The following NRG3 variants were observed in gnomAD, a reference collection of about 807,000 sequenced individuals.
NRG3 encodes pro-neuregulin-3, membrane-bound isoform.
A neutral mutation model predicts 66.9 loss-of-function variants in NRG3; 31 were observed. The ratio of observed to expected loss-of-function variants is 0.46; its 90% CI spans 0.35 to 0.63. NRG3 has a LOEUF of 0.63. Ranked by LOEUF, NRG3 falls within the 20% of genes least tolerant of loss-of-function variation. The pLI, the probability that NRG3 is intolerant of heterozygous loss-of-function variation, is 0.00. For missense variants in NRG3, 910 were observed against 878.9 expected (o/e 1.04, Z -0.45); for synonymous variants, 393 against 359.4 (o/e 1.09, Z -1.06).
chr10:81,923,789 G>C (rs1246976505), intron 1 of NRG3, among the ~76,000 whole-genome samples: 3 of 152,106 alleles, frequency 2.0e-5, no homozygotes, highest in African/African-American at 7.2e-5. Flanking sequence ...TCAGACTGTG[G>C]TATAGCCTTA....
chr10:82,195,025 C>A (rs2074371111), intron 1 of NRG3, among the ~76,000 whole-genome samples: 1 of 152,088 alleles, frequency 6.6e-6, no homozygotes, highest in Admixed American at 6.6e-5. Flanking sequence ...GGGCCTACCC[C>A]CAAACCCCTT....
At chr10:82,655,755 A>T (rs1439949828) in intron 2 of NRG3, among the ~76,000 whole-genome samples, 2 of 152,234 alleles carry the variant, frequency 1.3e-5, no homozygotes, top group African/African-American at 4.8e-5. Context: ...TAGATCAATT[A>T]TCATGTGTCC....
At chr10:82,640,931 AATT>A (rs2050527817) in intron 2 of NRG3, among the ~76,000 whole-genome samples, 2 of 151,928 alleles carry the variant, frequency 1.3e-5, no homozygotes, top group South Asian at 4.1e-4. Flanking sequence ...ATTTGATAGG[AATT>A]GTTGCAGTAA....
At chr10:82,691,720 C>A (rs1591187837) in intron 2 of NRG3, among the ~76,000 whole-genome samples, 1 of 152,278 alleles carries the variant, frequency 6.6e-6, no homozygotes, top group East Asian at 1.9e-4. Context: ...TTGCTCCAGG[C>A]ATGGTACTTG....
At chr10:82,890,668 C>T (rs1843073761) in intron 4 of NRG3, among the ~76,000 whole-genome samples, 2 of 152,134 alleles carry the variant, frequency 1.3e-5, no homozygotes, top group Non-Finnish European at 2.9e-5. Flanking sequence ...TATGTCTCTT[C>T]AAATTTAATA....
At chr10:82,018,116 G>A (rs2061875241) in intron 1 of NRG3, among the ~76,000 whole-genome samples, 2 of 152,232 alleles carry the variant, frequency 1.3e-5, no homozygotes, top group South Asian at 4.1e-4. Context: ...TTTGTGTAAG[G>A]TGTAAGGAAG....
intron 1 of NRG3, among the ~76,000 whole-genome samples, chr10:81,991,581 A>G (rs953553459): frequency 9.2e-5 from 14 of 152,204 alleles, no homozygotes; most frequent in Admixed American, 2.6e-4. Flanking sequence ...CCTTACTCAG[A>G]AAGTGGAAAT....
At chr10:82,033,974 C>T (rs1408216514) in intron 1 of NRG3, among the ~76,000 whole-genome samples, 1 of 152,072 alleles carries the variant, frequency 6.6e-6, no homozygotes, top group Non-Finnish European at 1.5e-5. Flanking sequence ...GAAAGTTTTG[C>T]ATAAGCACAA....
chr10:81,955,132 T>C (rs1849703714), intron 1 of NRG3, among the ~76,000 whole-genome samples: 1 of 147,570 alleles, frequency 6.8e-6, no homozygotes, highest in Admixed American at 6.8e-5. Context: ...ATACCTGTTA[T>C]ATAATATATA....
chr10:82,404,809 T>G (rs2087377917), intron 2 of NRG3, among the ~76,000 whole-genome samples: 1 of 152,184 alleles, frequency 6.6e-6, no homozygotes, highest in Non-Finnish European at 1.5e-5. Context: ...ACACCCATTT[T>G]TGCATTAAAT....
Position 82,794,070 on chromosome 10 carries a change from G to A in NRG3, c.1027+55420G>A, listed in dbSNP as rs375481590. 9.9e-5 allele frequency among the ~76,000 whole-genome samples: 15 copies of A among 152,056 alleles called. No individual in the cohort carries two copies. The East Asian group carries it at 2.7e-3, about 27-fold the overall frequency. On this transcript the variant is annotated intron_variant, in intron 3 of 8. Transcript: ENST00000372141. ...ACACTTTCTATTTCTATTCTATTCT[G>A]TGTACTTGTTTTCTTGATTTTAGCC...
chr10:82,527,151 A>G (rs115777499), intron 2 of NRG3, among the ~76,000 whole-genome samples: 1,545 of 152,168 alleles, frequency 0.01, 26 homozygotes, highest in African/African-American at 0.035. Flanking sequence ...GAGCATGGAT[A>G]AAAAAACTGT....
At chr10:82,593,582 T>C (rs2047104879) in intron 2 of NRG3, among the ~76,000 whole-genome samples, 1 of 152,000 alleles carries the variant, frequency 6.6e-6, no homozygotes, top group African/African-American at 2.4e-5. Context: ...TGTTAAGATG[T>C]TGAAATAACA....
intron 1 of NRG3, among the ~76,000 whole-genome samples, chr10:81,922,463 T>TATG (rs1401282679): frequency 4.6e-5 from 7 of 152,310 alleles, no homozygotes; most frequent in Admixed American, 2.6e-4. Context: ...TCTATGTGCA[T>TATG]ATGTACATAT....
At chr10:82,171,260 G>A (rs1463166124) in intron 1 of NRG3, among the ~76,000 whole-genome samples, 1 of 152,008 alleles carries the variant, frequency 6.6e-6, no homozygotes, top group Non-Finnish European at 1.5e-5. Flanking sequence ...CTGGCCCAGT[G>A]ATGTACTAAA....
At chr10:81,917,918 G>A (rs924612435) in intron 1 of NRG3, among the ~76,000 whole-genome samples, 8 of 152,044 alleles carry the variant, frequency 5.3e-5, no homozygotes, top group African/African-American at 9.7e-5. Context: ...TTCTCTTTTC[G>A]CATGTTTTAG....
At chr10:82,820,262 A>C (rs528606406) in intron 3 of NRG3, among the ~76,000 whole-genome samples, 1 of 152,216 alleles carries the variant, frequency 6.6e-6, no homozygotes, top group Non-Finnish European at 1.5e-5. Context: ...CCATCTGTGA[A>C]TCTCTGTGGC....
chr10:82,158,137 C>A (rs1460919697), intron 1 of NRG3, among the ~76,000 whole-genome samples: 3 of 151,690 alleles, frequency 2.0e-5, no homozygotes, highest in Admixed American at 2.0e-4. Flanking sequence ...GTAACTGAAC[C>A]TTGATAAGGA....
intron 2 of NRG3, among the ~76,000 whole-genome samples, chr10:82,444,086 TA>T (rs1182615509): frequency 6.6e-6 from 1 of 152,130 alleles, no homozygotes; most frequent in African/African-American, 2.4e-5. Context: ...TTCATTCTCT[TA>T]AAAAAAATTT....
Sources: gnomAD v4.1 joint callset for allele counts (sites outside exome capture counted in the v4.1 genomes callset) on GRCh38, gnomAD v4.1.1 for gene constraint, MANE v1.5 for transcripts, NCBI Gene and HGNC (gene_info 2026-07-23, HGNC 2026-07-21) for gene names.